The following ROR2 variants were observed in gnomAD, a reference collection of about 807,000 sequenced individuals.
The protein encoded by ROR2 is ROR family WNT receptor 2, also known as tyrosine-protein kinase transmembrane receptor ROR2.
A neutral mutation model predicts 74.9 loss-of-function variants in ROR2; 33 were observed. That is an observed-to-expected ratio of 0.44 (90% CI 0.33 to 0.59). The LOEUF is 0.59. ROR2 is among the 20% of genes least tolerant of loss of function. ROR2 has a pLI of 0.02. For missense variants in ROR2, 1,216 were observed against 1,313.8 expected (o/e 0.93, Z 1.15); for synonymous variants, 586 against 558.7 (o/e 1.05, Z -0.69).
intron 4 of ROR2, among the ~76,000 whole-genome samples, chr9:91,740,927 A>G (rs970248708): frequency 2.0e-5 from 3 of 152,170 alleles, no homozygotes; most frequent in African/African-American, 7.2e-5. Flanking sequence ...CCAGGCACTG[A>G]TCCAAGGCCT....
At chr9:91,867,863 G>A (rs897778646) in intron 1 of ROR2, among the ~76,000 whole-genome samples, 4 of 152,064 alleles carry the variant, frequency 2.6e-5, no homozygotes, top group African/African-American at 9.7e-5. Flanking sequence ...AAGGCTGTTC[G>A]GAACTTGCAG....
chr9:91,818,862 C>T (rs1321247296), intron 1 of ROR2, among the ~76,000 whole-genome samples: 1 of 152,144 alleles, frequency 6.6e-6, no homozygotes, highest in Non-Finnish European at 1.5e-5. Context: ...TCCCTCCCAC[C>T]CTGAGCCCTA....
At chr9:91,949,765 A>T (rs1279129391) in intron 1 of ROR2, 102 bp downstream of exon 1, 3 of 778,932 alleles carry the variant, frequency 3.9e-6, no homozygotes, top group South Asian at 1.5e-5. Flanking sequence ...GTTCAGGAGC[A>T]TGGGCGCCGG....
At chr9:91,779,660 C>T (rs1489369376) in intron 1 of ROR2, among the ~76,000 whole-genome samples, 4 of 151,906 alleles carry the variant, frequency 2.6e-5, no homozygotes, top group African/African-American at 9.7e-5. Flanking sequence ...CATGAGCCAC[C>T]GTGCCACCGT....
intron 1 of ROR2, among the ~76,000 whole-genome samples, chr9:91,888,115 T>C (rs1220316099): frequency 6.6e-6 from 1 of 152,154 alleles, no homozygotes. Context: ...TGCCAACACT[T>C]CGTATTGTCA....
intron 1 of ROR2, 137 bp from the exon 2 acceptor site, chr9:91,775,955 T>C (rs1826406909): frequency 2.3e-5 from 17 of 740,562 alleles, no homozygotes; most frequent in South Asian, 1.5e-4. Flanking sequence ...TAAGACATTA[T>C]GGTAACCTCT....
Position 91,854,748 on chromosome 9 carries a change from G to C in ROR2, c.98-78930C>G, listed in dbSNP as rs572353316. ...GTCTCAGACCTAAACGCTGGATCAA[G>C]CAAAACCACTTACACATGCACTTTT... On this transcript the variant is annotated intron_variant, in intron 1 of 8. Coordinates refer to ENST00000375708, the MANE Select transcript of ROR2 (RefSeq NM_004560.4). Among the ~76,000 whole-genome samples the C allele has an allele frequency of 4.6e-4, 70 of 152,316 alleles. 1 individual carries two copies. The highest frequency in any genetic ancestry group is 8.5e-4 in the Non-Finnish European group (58 of 68,030).
chr9:91,816,503 G>A (rs544054754), intron 1 of ROR2, among the ~76,000 whole-genome samples: 2 of 152,080 alleles, frequency 1.3e-5, no homozygotes, highest in African/African-American at 4.8e-5. Flanking sequence ...TGCTTCCTCG[G>A]CCTTGCCCCG....
intron 1 of ROR2, among the ~76,000 whole-genome samples, chr9:91,801,958 C>T (rs1489195771): frequency 2.0e-5 from 3 of 152,170 alleles, no homozygotes; most frequent in Non-Finnish European, 4.4e-5. Context: ...GGCCATGCCC[C>T]AGTGCATCCT....
At chr9:91,934,775 C>G (rs766072683) in intron 1 of ROR2, among the ~76,000 whole-genome samples, 1 of 152,092 alleles carries the variant, frequency 6.6e-6, no homozygotes. Context: ...AAAGAGAGTA[C>G]GTGAACCTTA....
chr9:91,911,914 T>C (rs1384414201), intron 1 of ROR2, among the ~76,000 whole-genome samples: 1 of 113,396 alleles, frequency 8.8e-6, no homozygotes, highest in African/African-American at 3.7e-5. Flanking sequence ...CTGCCCAGTG[T>C]CCATTACCTG....
chr9:91,820,509 C>T (rs1394832298), intron 1 of ROR2, among the ~76,000 whole-genome samples: 1 of 152,174 alleles, frequency 6.6e-6, no homozygotes, highest in Non-Finnish European at 1.5e-5. Context: ...CCCAGATCTA[C>T]AGTCAGGAGC....
intron 2 of ROR2, among the ~76,000 whole-genome samples, chr9:91,771,696 G>GTCTCTC (rs200079382): frequency 6.7e-6 from 1 of 148,954 alleles, no homozygotes; most frequent in East Asian, 2.0e-4. Context: ...CTCTCTCTCT[G>GTCTCTC]TCTCTCTCTC....
chr9:91,752,454 T>A (rs1269764982), intron 4 of ROR2, among the ~76,000 whole-genome samples: 1 of 152,136 alleles, frequency 6.6e-6, no homozygotes, highest in East Asian at 1.9e-4. Flanking sequence ...TCAAAAGCAC[T>A]ATGCTAAAAG....
chr9:91,782,409 AC>A (rs1826647903), intron 1 of ROR2, among the ~76,000 whole-genome samples: 1 of 151,956 alleles, frequency 6.6e-6, no homozygotes, highest in Non-Finnish European at 1.5e-5. Context: ...GAAAAAAAAA[AC>A]ACCCTGATTA....
At chr9:91,725,150 C>A in intron 8 of ROR2, 43 bp from the exon 9 acceptor site, 1 of 1,609,358 alleles carries the variant, frequency 6.2e-7, no homozygotes, top group African/African-American at 1.3e-5. Context: ...ACTGTCACCG[C>A]AGCCCTGGAG....
At chr9:91,752,771 CT>C in intron 4 of ROR2, among the ~76,000 whole-genome samples, 1 of 152,302 alleles carries the variant, frequency 6.6e-6, no homozygotes. Context: ...AGATACTGAA[CT>C]CTCATTAATG....
At chr9:91,915,638 T>C (rs779494351) in intron 1 of ROR2, among the ~76,000 whole-genome samples, 1 of 151,612 alleles carries the variant, frequency 6.6e-6, no homozygotes, top group Non-Finnish European at 1.5e-5. Context: ...TGCTGCTGTC[T>C]TGGGGGAGGT....
intron 1 of ROR2, among the ~76,000 whole-genome samples, chr9:91,858,811 T>A (rs1012206844): frequency 6.6e-6 from 1 of 152,110 alleles, no homozygotes; most frequent in African/African-American, 2.4e-5. Context: ...CAAGGACCCG[T>A]GAGGCCAGTG....
Sources: gnomAD v4.1 joint callset for allele counts (sites outside exome capture counted in the v4.1 genomes callset) on GRCh38, gnomAD v4.1.1 for gene constraint, MANE v1.5 for transcripts, NCBI Gene and HGNC (gene_info 2026-07-23, HGNC 2026-07-21) for gene names.